The following TNFSF13B variants were observed in gnomAD, a reference collection of about 807,000 sequenced individuals.
The protein encoded by TNFSF13B is tumor necrosis factor ligand superfamily member 13B.
Under a neutral mutation model 29.1 loss-of-function variants are expected in TNFSF13B, and 8 were observed. The observed-to-expected ratio is 0.27, with a 90% CI of 0.16 to 0.50. The LOEUF is 0.50. TNFSF13B is among the 20% of genes least tolerant of loss of function. The pLI, the probability that TNFSF13B is intolerant of heterozygous loss-of-function variation, is 0.98. For missense variants in TNFSF13B, 248 were observed against 334.9 expected, an observed-to-expected ratio of 0.74 and a Z score of 2.03; for synonymous variants, 125 against 130.8, an observed-to-expected ratio of 0.96 and a Z score of 0.30.
Position 108,306,866 on chromosome 13 carries a change from A to G in TNFSF13B, c.786A>G (p.Ala262=), listed in dbSNP as rs1009410365. 1.9e-6 allele frequency: 3 copies of G among 1,611,556 alleles called. No homozygotes were observed. The highest frequency in any genetic ancestry group is 1.3e-5 in the African/African-American group (1 of 74,720). The stretch of plus-strand genomic sequence containing the variant: ...AAGAAGGAGATGAACTCCAACTTGC[A>G]ATACCAAGAGAAAATGCACAAATAT... ...KLEEGDELQL[A]IPRENAQISL... The change falls in exon 6 of 6, where the codon GCA becomes GCG. Residue 262 remains alanine, a synonymous_variant. Transcript: ENST00000375887.
intron 2 of TNFSF13B, among the ~76,000 whole-genome samples, chr13:108,278,501 C>T (rs1262955993): frequency 6.6e-6 from 1 of 151,618 alleles, no homozygotes; most frequent in East Asian, 1.9e-4. Flanking sequence ...CTTTCCTCTT[C>T]TAAATTTGTA....
chr13:108,278,487 A>G (rs560173098), intron 2 of TNFSF13B, among the ~76,000 whole-genome samples: 7 of 150,766 alleles, frequency 4.6e-5, no homozygotes, highest in African/African-American at 1.7e-4. Context: ...TCTTTATATT[A>G]TCCCTTTCCT....
At chr13:108,280,066 C>T (rs369337773) in intron 2 of TNFSF13B, among the ~76,000 whole-genome samples, 8 of 135,290 alleles carry the variant, frequency 5.9e-5, no homozygotes, top group African/African-American at 2.2e-4. Context: ...GGGATGGCGT[C>T]TGCTTTTTTT....
intron 3 of TNFSF13B, among the ~76,000 whole-genome samples, chr13:108,294,309 A>G (rs1320566415): frequency 1.3e-5 from 2 of 151,750 alleles, no homozygotes; most frequent in Non-Finnish European, 2.9e-5. Flanking sequence ...CCTCCCGAGT[A>G]GCTGGGATTA....
chr13:108,274,290 C>CAATACATATGAACAATACATATATGAACA (rs1555311473), intron 2 of TNFSF13B, among the ~76,000 whole-genome samples: 1 of 150,534 alleles, frequency 6.6e-6, no homozygotes, highest in Admixed American at 6.6e-5. Flanking sequence ...TACATATGAA[C>CAATACATATGAACAATACATATATGAACA]AATACATATG....
chr13:108,279,940 G>T (rs1221393158), intron 2 of TNFSF13B, among the ~76,000 whole-genome samples: 1 of 151,978 alleles, frequency 6.6e-6, no homozygotes, highest in African/African-American at 2.4e-5. Flanking sequence ...AAGCCTTCCT[G>T]ATTGGATCAA....
In TNFSF13B at chr13:108,269,765, C is replaced by G; in HGVS notation, c.-131C>G. Reference sequence around the variant, plus strand: ...AGAAAGGAGAAAATTCAGGATAACTCTCCTGAGGGGTGAGCCAAGCCCTGC... The same window carrying G: ...AGAAAGGAGAAAATTCAGGATAACTGTCCTGAGGGGTGAGCCAAGCCCTGC... On this transcript the variant is annotated 5_prime_UTR_variant, in exon 1 of 6. Transcript: ENST00000375887. 1.2e-6 allele frequency: 1 copy of G among 830,210 alleles called. No homozygotes were observed. The highest frequency in any genetic ancestry group is 2.4e-5 in the Admixed American group (1 of 41,104). 51.4% of individuals were successfully genotyped at this position (830,210 alleles called of 1,614,324 possible). A position where few individuals can be genotyped will look rare whatever the true frequency, so the allele number is the denominator to read the frequency against.
At chr13:108,304,042 C>T (rs925672550) in intron 5 of TNFSF13B, among the ~76,000 whole-genome samples, 2 of 152,290 alleles carry the variant, frequency 1.3e-5, no homozygotes, top group East Asian at 1.9e-4. Flanking sequence ...ATTTAATCTT[C>T]GCATTTAAGG....
chr13:108,300,564 TTA>T, intron 3 of TNFSF13B, among the ~76,000 whole-genome samples: 1 of 152,346 alleles, frequency 6.6e-6, no homozygotes, highest in East Asian at 1.9e-4. Context: ...TTTGCATACA[TTA>T]TGTCATTTAA....
intron 3 of TNFSF13B, chr13:108,302,703 A>G (rs1881660236): frequency 2.3e-6 from 1 of 434,320 alleles, no homozygotes; most frequent in Admixed American, 6.4e-5. Flanking sequence ...AATATCATAG[A>G]TGGTTGTTAC....
At chr13:108,278,683 T>TCCTCCTC (rs1880842834) in intron 2 of TNFSF13B, among the ~76,000 whole-genome samples, 1 of 9,666 alleles carries the variant, frequency 1.0e-4, no homozygotes, top group African/African-American at 3.5e-4. Context: ...CTCTCCTCCT[T>TCCTCCTC]TCCTCCTCCT....
chr13:108,303,667 GCTGC>G, intron 5 of TNFSF13B, 63 bp downstream of exon 5: 1 of 1,510,920 alleles, frequency 6.6e-7, no homozygotes, highest in South Asian at 1.3e-5. Flanking sequence ...AAAAATCTGA[GCTGC>G]AAAATGCAAA....
chr13:108,274,159 T>C lies in TNFSF13B; in HGVS notation c.424+3735T>C, dbSNP rs1880695740. ...TTTTTGTTATCAGAAAGGCTTCTGG[T>C]CAACAGTGGGCTGTTAGTAATTAAG... On this transcript the variant is annotated intron_variant, in intron 2 of 5. Coordinates refer to ENST00000375887, the MANE Select transcript of TNFSF13B (RefSeq NM_006573.5). Among the ~76,000 whole-genome samples the C allele has an allele frequency of 2.6e-5, 4 of 152,272 alleles. No homozygotes were observed. The South Asian group carries it at 8.3e-4, about 32-fold the overall frequency.
chr13:108,303,329 G>T lies in TNFSF13B; in HGVS notation c.558G>T (p.Leu186Phe). 2 of 1,613,190 alleles carry T rather than the reference G, an allele frequency of 1.2e-6. No individual in the cohort carries two copies. The highest frequency in any genetic ancestry group is 1.7e-6 in the Non-Finnish European group (2 of 1,179,558). Residue 186 changes from leucine (L) to phenylalanine (F), a missense_variant, in exon 4 of 6, where the codon TTG becomes TTT. By Grantham distance (22) the Leu-to-Phe change is conservative. Coordinates refer to ENST00000375887, the MANE Select transcript of TNFSF13B (RefSeq NM_006573.5). ...SALEEKENKI[L>F]VKETGYFFIY... ...TAGAAGAAAAAGAGAATAAAATATT[G>T]GTCAAAGAAACTGGTTACTTTTTTA...
intron 3 of TNFSF13B, among the ~76,000 whole-genome samples, chr13:108,295,376 A>G (rs1335105638): frequency 6.9e-6 from 1 of 144,388 alleles, no homozygotes; most frequent in African/African-American, 2.6e-5. Flanking sequence ...TATTTTTAGT[A>G]GAGACTGGAT....
At chr13:108,273,276 T>C (rs1880671070) in intron 2 of TNFSF13B, among the ~76,000 whole-genome samples, 1 of 152,166 alleles carries the variant, frequency 6.6e-6, no homozygotes, top group African/African-American at 2.4e-5. Context: ...ATCTGTAGAT[T>C]TGTGATAATT....
intron 3 of TNFSF13B, among the ~76,000 whole-genome samples, chr13:108,288,957 G>T (rs1201488270): frequency 2.6e-5 from 4 of 152,066 alleles, no homozygotes; most frequent in Admixed American, 2.6e-4. Flanking sequence ...TTTTCTGCGT[G>T]ACTTTAATTG....
At chr13:108,280,886 C>G (rs1880929223) in intron 2 of TNFSF13B, among the ~76,000 whole-genome samples, 1 of 152,134 alleles carries the variant, frequency 6.6e-6, no homozygotes, top group South Asian at 2.1e-4. Flanking sequence ...ACGCAAGTTA[C>G]AGAAAATTAT....
chr13:108,302,416 C>T (rs1362136872), intron 3 of TNFSF13B, among the ~76,000 whole-genome samples: 2 of 152,166 alleles, frequency 1.3e-5, no homozygotes. Context: ...ACCCTTTATT[C>T]AACACACCCA....
Sources: gnomAD v4.1 joint callset for allele counts (sites outside exome capture counted in the v4.1 genomes callset) on GRCh38, gnomAD v4.1.1 for gene constraint, MANE v1.5 for transcripts, NCBI Gene and HGNC (gene_info 2026-07-23, HGNC 2026-07-21) for gene names.